The following ARHGAP10 variants were observed in gnomAD, a reference collection of about 807,000 sequenced individuals.
The protein encoded by ARHGAP10 is Rho GTPase activating protein 10, also known as rho GTPase-activating protein 10.
A neutral mutation model predicts 108.6 loss-of-function variants in ARHGAP10; 87 were observed. The observed-to-expected ratio is 0.80, with a 90% CI of 0.67 to 0.96. ARHGAP10 has a LOEUF of 0.96. Ranked by LOEUF, ARHGAP10 falls within the 40% of genes least tolerant of loss-of-function variation. ARHGAP10 has a pLI of 0.00. For synonymous variants in ARHGAP10, 347 were observed against 341.1 expected (o/e 1.02, Z -0.19); for missense variants, 939 against 954.5 (o/e 0.98, Z 0.21).
At chr4:147,996,228 C>G (rs139019261) in intron 18 of ARHGAP10, among the ~76,000 whole-genome samples, 1 of 152,202 alleles carries the variant, frequency 6.6e-6, no homozygotes, top group African/African-American at 2.4e-5. Context: ...CTATGGAAAC[C>G]TCTATCATAA....
intron 18 of ARHGAP10, among the ~76,000 whole-genome samples, chr4:147,985,126 A>G (rs992674220): frequency 6.6e-6 from 1 of 152,140 alleles, no homozygotes; most frequent in Non-Finnish European, 1.5e-5. Flanking sequence ...CTGCTTGGGT[A>G]TGGAGCAGAG....
Position 147,974,430 on chromosome 4 carries a change from A to T in ARHGAP10, c.1716+7591A>T, listed in dbSNP as rs149811732. ...CTGAAGAGCCTGTGAAAAGCATCAA[A>T]GATCATATTAATCAGGGTGGTTTTC... On this transcript the variant is annotated intron_variant, in intron 18 of 22. Transcript: ENST00000336498. Among the ~76,000 whole-genome samples, 475 of 152,312 alleles carry T rather than the reference A, an allele frequency of 3.1e-3. 7 individuals are homozygous for T. Among genetic ancestry groups the T allele is most frequent in the East Asian group, 0.014 (75 of 5,192 alleles).
chr4:147,799,309 G>A (rs1188316730), intron 1 of ARHGAP10, among the ~76,000 whole-genome samples: 1 of 152,134 alleles, frequency 6.6e-6, no homozygotes, highest in Non-Finnish European at 1.5e-5. Flanking sequence ...CTAATGCTGG[G>A]ATGGCCTCTC....
chr4:147,815,304 C>T (rs984821494), intron 1 of ARHGAP10, among the ~76,000 whole-genome samples: 4 of 152,066 alleles, frequency 2.6e-5, no homozygotes, highest in Non-Finnish European at 4.4e-5. Context: ...AATCTACAAA[C>T]GTAAAGTGAT....
chr4:147,891,058 AAC>A (rs1735778264), intron 10 of ARHGAP10, among the ~76,000 whole-genome samples: 1 of 152,204 alleles, frequency 6.6e-6, no homozygotes, highest in African/African-American at 2.4e-5. Context: ...TGCTTTGGAA[AAC>A]AGTTTGTCAG....
rs187945419 is a variant in ARHGAP10, at chr4:147,951,737, G to A, written c.1392-3579G>A. 4.4e-3 allele frequency among the ~76,000 whole-genome samples: 669 copies of A among 152,130 alleles called. 1 individual carries two copies. The highest frequency in any genetic ancestry group is 8.0e-3 in the Non-Finnish European group (545 of 68,004). ...CAAAGCACTGGGGTTACAGGTGTGA[G>A]CTACCATGCTTGACCTATTTTTATT... On this transcript the variant is annotated intron_variant, in intron 15 of 22. Coordinates refer to ENST00000336498, the MANE Select transcript of ARHGAP10 (RefSeq NM_024605.4).
chr4:148,026,191 G>T (rs1265057078), intron 19 of ARHGAP10, among the ~76,000 whole-genome samples: 2 of 152,142 alleles, frequency 1.3e-5, no homozygotes, highest in Non-Finnish European at 2.9e-5. Context: ...GCACTGAGTA[G>T]AGTATGAAAC....
At chr4:147,971,972 G>A (rs936222436) in intron 18 of ARHGAP10, among the ~76,000 whole-genome samples, 7 of 152,126 alleles carry the variant, frequency 4.6e-5, no homozygotes, top group African/African-American at 1.4e-4. Context: ...GGTTTGTAAG[G>A]GGTCTTGGGG....
intron 18 of ARHGAP10, among the ~76,000 whole-genome samples, chr4:147,975,285 C>T (rs957485038): frequency 2.0e-5 from 3 of 152,026 alleles, no homozygotes; most frequent in African/African-American, 2.4e-5. Context: ...CCAGAGGTGT[C>T]TTCATGGCAC....
intron 18 of ARHGAP10, among the ~76,000 whole-genome samples, chr4:147,988,809 T>A (rs1740144265): frequency 6.6e-6 from 1 of 152,180 alleles, no homozygotes; most frequent in Non-Finnish European, 1.5e-5. Flanking sequence ...CACCTCAGAC[T>A]CATGCTTTAT....
rs138656417 is a variant in ARHGAP10, at chr4:147,965,055, G to A, written c.1482G>A (p.Ala494=). 6.2e-5 allele frequency: 99 copies of A among 1,600,844 alleles called. No homozygotes were observed. In the African/African-American group the frequency reaches 8.2e-4, roughly 13 times the overall value. The change falls in exon 17 of 23, where the codon GCG becomes GCA. Residue 494 remains alanine, a synonymous_variant. Coordinates refer to ENST00000336498, the MANE Select transcript of ARHGAP10 (RefSeq NM_024605.4). The part of the protein sequence containing the change: ...KSGSPESRVN[A]IHFLVHKLPE... ...GCAGCCCAGAATCTCGTGTTAATGCGATCCATTTCTTGGTACACAAACTGC... is the reference window on the plus strand; with the variant it reads ...GCAGCCCAGAATCTCGTGTTAATGCAATCCATTTCTTGGTACACAAACTGC...
intron 12 of ARHGAP10, among the ~76,000 whole-genome samples, chr4:147,912,594 TATATAA>T (rs1736801093): frequency 1.0e-5 from 1 of 100,030 alleles, no homozygotes; most frequent in Non-Finnish European, 2.1e-5. Context: ...TATATATATA[TATATAA>T]AATTCCTGTG....
chr4:147,978,670 A>G (rs1739694868), intron 18 of ARHGAP10, among the ~76,000 whole-genome samples: 2 of 152,142 alleles, frequency 1.3e-5, no homozygotes, highest in South Asian at 4.1e-4. Flanking sequence ...TGCTTCATGT[A>G]CAGCCTGTGG....
At chr4:147,761,034 T>TG (rs1729568316) in intron 1 of ARHGAP10, among the ~76,000 whole-genome samples, 1 of 149,476 alleles carries the variant, frequency 6.7e-6, no homozygotes, top group African/African-American at 2.5e-5. Context: ...TTTTTTTTTT[T>TG]GACACAGAGT....
chr4:147,855,699 T>C (rs1734058378), intron 4 of ARHGAP10, among the ~76,000 whole-genome samples: 1 of 151,222 alleles, frequency 6.6e-6, no homozygotes, highest in Admixed American at 6.6e-5. Context: ...TTTTTTTTTT[T>C]TTTTTAAGTT....
chr4:147,875,484 T>C (rs1163227561), intron 8 of ARHGAP10, among the ~76,000 whole-genome samples: 1 of 152,036 alleles, frequency 6.6e-6, no homozygotes, highest in Admixed American at 6.6e-5. Context: ...GTTACGAGGG[T>C]ATGATGTTTT....
At chr4:147,957,569 A>G (rs1375336369) in intron 16 of ARHGAP10, among the ~76,000 whole-genome samples, 1 of 152,162 alleles carries the variant, frequency 6.6e-6, no homozygotes, top group Non-Finnish European at 1.5e-5. Flanking sequence ...TAAAATTACT[A>G]AGCATCAGCA....
At chr4:147,772,473 T>A (rs1039557777) in intron 1 of ARHGAP10, among the ~76,000 whole-genome samples, 1 of 152,174 alleles carries the variant, frequency 6.6e-6, no homozygotes, top group Admixed American at 6.5e-5. Context: ...GAAAGCAACA[T>A]GAGAAAAATG....
At position 147,971,023 on chromosome 4, in the gene ARHGAP10, G is replaced by A. The variant is rs557658516; in HGVS notation, c.1716+4184G>A. On this transcript the variant is annotated intron_variant, in intron 18 of 22. Transcript: ENST00000336498. ...CAGAAGAATTGCTTGAACCCAGGAGGTGGAGGTTGCAGTGAGCTGAGATTG... is the reference window on the plus strand; with the variant it reads ...CAGAAGAATTGCTTGAACCCAGGAGATGGAGGTTGCAGTGAGCTGAGATTG... Among the ~76,000 whole-genome samples, 73 of 151,302 alleles carry A rather than the reference G, an allele frequency of 4.8e-4. 1 individual carries two copies. The highest frequency in any genetic ancestry group is 4.9e-4 in the Non-Finnish European group (33 of 67,848).
Sources: allele counts gnomAD v4.1 joint callset (sites outside exome capture counted in the v4.1 genomes callset), GRCh38; gene constraint gnomAD v4.1.1; transcripts MANE v1.5; gene names NCBI Gene and HGNC (gene_info 2026-07-23, HGNC 2026-07-21).